EPM2A: variants seen among roughly 807,000 people sequenced by gnomAD.
The protein encoded by EPM2A is laforin.
Under a neutral mutation model 26.5 loss-of-function variants are expected in EPM2A, and 21 were observed. The observed-to-expected ratio is 0.79, with a 90% CI of 0.56 to 1.14. The LOEUF (loss-of-function observed/expected upper bound fraction) is 1.14. EPM2A is among the 50% of genes most tolerant of loss of function. The pLI is 0.00. For synonymous variants in EPM2A, 217 were observed against 177.6 expected, an observed-to-expected ratio of 1.22 and a Z score of -1.76; for missense variants, 458 against 440.8, an observed-to-expected ratio of 1.04 and a Z score of -0.35.
At chr6:145,466,929 TG>T (rs1288776417) in intron 4 of EPM2A, among the ~76,000 whole-genome samples, 1 of 151,940 alleles carries the variant, frequency 6.6e-6, no homozygotes, top group Admixed American at 6.6e-5. Flanking sequence ...CACTCATAGG[TG>T]GGAACTGAAC....
At chr6:145,441,459 A>T (rs1345440724) in intron 4 of EPM2A, among the ~76,000 whole-genome samples, 1 of 152,188 alleles carries the variant, frequency 6.6e-6, no homozygotes, top group Non-Finnish European at 1.5e-5. Flanking sequence ...CTCATTACTT[A>T]TGCAAATTCC....
downstream of EPM2A, among the ~76,000 whole-genome samples, chr6:145,624,749 A>G (rs576986182): frequency 1.3e-5 from 2 of 152,210 alleles, no homozygotes; most frequent in African/African-American, 4.8e-5. Context: ...CTCACTTTCA[A>G]ATCTCTCCTT....
intron 2 of EPM2A, among the ~76,000 whole-genome samples, chr6:145,572,099 C>T (rs1780966209): frequency 6.6e-6 from 1 of 152,168 alleles, no homozygotes; most frequent in Admixed American, 6.5e-5. Context: ...TTTCTCCTTC[C>T]ATGCAAATGC....
chr6:145,660,702 T>A (rs1448060512), intron 2 of EPM2A, among the ~76,000 whole-genome samples: 2 of 152,188 alleles, frequency 1.3e-5, no homozygotes, highest in South Asian at 4.1e-4. Context: ...CTCGAGAGGC[T>A]GAAGCAGGAG....
intron 2 of EPM2A, among the ~76,000 whole-genome samples, chr6:145,599,545 G>A (rs1327709175): frequency 6.6e-6 from 1 of 151,272 alleles, no homozygotes; most frequent in Non-Finnish European, 1.5e-5. Flanking sequence ...CTTCTTTATA[G>A]CATTCTCTTC....
chr6:145,659,937 A>G (rs1467554385), intron 2 of EPM2A, among the ~76,000 whole-genome samples: 2 of 152,190 alleles, frequency 1.3e-5, no homozygotes, highest in African/African-American at 2.4e-5. Flanking sequence ...ATCCATAAAT[A>G]TCATCCAACC....
chr6:145,440,753 C>T (rs1474315572), intron 4 of EPM2A, among the ~76,000 whole-genome samples: 1 of 152,228 alleles, frequency 6.6e-6, no homozygotes, highest in Non-Finnish European at 1.5e-5. Context: ...AAATGATCTC[C>T]TTTGACTCCA....
chr6:145,419,118 A>C (rs887372506), intron 4 of EPM2A, among the ~76,000 whole-genome samples: 1 of 151,832 alleles, frequency 6.6e-6, no homozygotes, highest in Non-Finnish European at 1.5e-5. Context: ...GGCACATCCA[A>C]ATCTCTTGGG....
chr6:145,522,883 T>C (rs369579312), intron 2 of EPM2A, among the ~76,000 whole-genome samples: 80 of 152,258 alleles, frequency 5.3e-4, no homozygotes, highest in African/African-American at 1.7e-3. Flanking sequence ...GTAGAGTCTC[T>C]ACTTTTCTTT....
intron 4 of EPM2A, among the ~76,000 whole-genome samples, chr6:145,465,851 G>A (rs904735901): frequency 2.0e-5 from 3 of 152,000 alleles, no homozygotes; most frequent in Admixed American, 6.6e-5. Context: ...ACAACTATCT[G>A]ATCTTTGACA....
At chr6:145,660,820 A>T (rs953947343) in intron 2 of EPM2A, among the ~76,000 whole-genome samples, 4 of 152,160 alleles carry the variant, frequency 2.6e-5, no homozygotes, top group Admixed American at 1.3e-4. Context: ...AAAATAATAA[A>T]TTTTTTAAAA....
chr6:145,473,930 A>C (rs1341487526), intron 4 of EPM2A, among the ~76,000 whole-genome samples: 1 of 152,176 alleles, frequency 6.6e-6, no homozygotes, highest in Admixed American at 6.5e-5. Context: ...TACTTCAATT[A>C]GAAAGAAAAG....
At chr6:145,518,026 C>T (rs1229608150) in intron 2 of EPM2A, among the ~76,000 whole-genome samples, 1 of 152,160 alleles carries the variant, frequency 6.6e-6, no homozygotes, top group African/African-American at 2.4e-5. Flanking sequence ...CCTGTTATCA[C>T]CATGTAGCCA....
chr6:145,649,519 G>A (rs1200550603), intron 2 of EPM2A, among the ~76,000 whole-genome samples: 2 of 152,142 alleles, frequency 1.3e-5, no homozygotes, highest in African/African-American at 2.4e-5. Context: ...TGTGTAACAC[G>A]TCAAAAATAT....
intron 1 of EPM2A, among the ~76,000 whole-genome samples, chr6:145,698,319 C>T (rs747868074): frequency 4.6e-5 from 7 of 152,246 alleles, no homozygotes; most frequent in East Asian, 1.9e-4. Context: ...CAGTATGACG[C>T]GTTAGCCCTC....
intron 2 of EPM2A, chr6:145,680,017 G>C (rs1780383693): frequency 6.6e-6 from 1 of 152,098 alleles, no homozygotes; most frequent in Non-Finnish European, 1.5e-5. Flanking sequence ...AAGTTGTAAA[G>C]TCAATAGATA....
At chr6:145,403,375 C>T (rs1012967283) in intron 4 of EPM2A, among the ~76,000 whole-genome samples, 1 of 151,746 alleles carries the variant, frequency 6.6e-6, no homozygotes, top group Non-Finnish European at 1.5e-5. Flanking sequence ...ATCCATCCTC[C>T]CACACCCCCT....
At chr6:145,442,520 G>C (rs1170596722) in intron 4 of EPM2A, among the ~76,000 whole-genome samples, 2 of 151,570 alleles carry the variant, frequency 1.3e-5, no homozygotes, top group Non-Finnish European at 2.9e-5. Flanking sequence ...ACCAGATCTT[G>C]TGAGACTTAA....
intron 1 of EPM2A, among the ~76,000 whole-genome samples, chr6:145,697,402 C>T (rs978403340): frequency 5.9e-5 from 9 of 151,986 alleles, no homozygotes; most frequent in South Asian, 2.1e-4. Context: ...ACCACAGGAC[C>T]GGGGCAAAAT....
Sources: gnomAD v4.1 joint callset for allele counts (sites outside exome capture counted in the v4.1 genomes callset) on GRCh38, gnomAD v4.1.1 for gene constraint, MANE v1.5 for transcripts, NCBI Gene and HGNC (gene_info 2026-07-23, HGNC 2026-07-21) for gene names.